Variants in INTS2 observed in about 807,000 individuals in gnomAD.
The protein encoded by INTS2 is integrator complex subunit 2.
A neutral mutation model predicts 139.6 loss-of-function variants in INTS2; 57 were observed. That is an observed-to-expected ratio of 0.41 (90% CI 0.33 to 0.51). The LOEUF (loss-of-function observed/expected upper bound fraction) is 0.51. Ranked by LOEUF, INTS2 falls within the 20% of genes least tolerant of loss-of-function variation. INTS2 has a pLI of 0.28. For missense variants in INTS2, 1,196 were observed against 1,436.7 expected (o/e 0.83, Z 2.71); for synonymous variants, 473 against 493.4 (o/e 0.96, Z 0.55).
chr17:61,872,197 T>C lies in INTS2; in HGVS notation c.2778+68A>G, dbSNP rs569160629. On this transcript the variant is annotated intron_variant, in intron 20 of 24. Transcript: ENST00000251334. The surrounding 1 kb of genome is among the most constrained non-coding windows in gnomAD (Gnocchi z 4.8). ...CATGGAGCGCACAATGTGCCATCTA[T>C]TGAACTGATTATACTAGTAGAGAAG... The C allele has an allele frequency of 2.7e-5, 27 of 1,006,064 alleles. No individual in the cohort carries two copies. The highest frequency in any genetic ancestry group is 3.9e-5 in the Non-Finnish European group (26 of 674,438). 62.3% of individuals were successfully genotyped at this position (1,006,064 alleles called of 1,614,324 possible). A position where few individuals can be genotyped will look rare whatever the true frequency, so the allele number is the denominator to read the frequency against.
Position 61,868,386 on chromosome 17 carries a change from TA to T in INTS2, c.3245-378del, listed in dbSNP as rs1296346559. On this transcript the variant is annotated intron_variant, in intron 23 of 24. Transcript: ENST00000251334. This position sits in a 1 kb window ranked among gnomAD's most constrained non-coding sequence, Gnocchi z 4.7. ...GGGCTGAGATTGAATTCAGGCAGTG[TA>T]AACTCTTAATCACTACAAATAATTA... Among the ~76,000 whole-genome samples the T allele has an allele frequency of 6.6e-6, 1 of 152,140 alleles. No individual in the cohort carries two copies. Among genetic ancestry groups the T allele is most frequent in the African/African-American group, 2.4e-5 (1 of 41,454 alleles).
At chr17:61,911,451 T>C (rs1022174365) in intron 7 of INTS2, 69 bp downstream of exon 7, 1 of 1,351,602 alleles carries the variant, frequency 7.4e-7, no homozygotes, top group Non-Finnish European at 1.0e-6. Flanking sequence ...ATTCAAAAAA[T>C]GTTTCTTTCT....
rs1004786967 is a variant in INTS2 at position 61,926,420 on chromosome 17, G to A, written c.225C>T (p.Ser75=). The A allele has an allele frequency of 1.2e-6, 2 of 1,613,862 alleles. No homozygotes were observed. The highest frequency in any genetic ancestry group is 1.7e-6 in the Non-Finnish European group (2 of 1,179,770). The change falls in exon 2 of 25, where the codon TCC becomes TCT. Residue 75 remains serine (S), a synonymous_variant. Coordinates refer to ENST00000251334, the MANE Select transcript of INTS2 (RefSeq NM_001351695.2). ...AGTCCACGGACAACAATGCAACAAT[G>A]GAGTTGACAGCTTCCACTCCAGAAA... ...RLLSGVEAVN[S]IVALLSVDFH...
chr17:61,926,621 C>T lies in INTS2; in HGVS notation c.24G>A (p.Gln8=). ...CCTCAAAAGCAAAAGGGCTGACAAA[C>T]TGAAGACTTGTACATTCAGTCATTA... MTECTSL[Q]FVSPFAFEAM... is the part of the protein sequence containing the mutation. The change falls in exon 2 of 25, where the codon CAG becomes CAA. Residue 8 remains glutamine, a synonymous_variant. Transcript: ENST00000251334. 1 of 1,611,196 alleles carries T rather than the reference C, an allele frequency of 6.2e-7. No individual in the cohort carries two copies. The highest frequency in any genetic ancestry group is 8.5e-7 in the Non-Finnish European group (1 of 1,178,556).
At chr17:61,894,095 T>C in intron 12 of INTS2, 196 bp from the exon 13 acceptor site, 1 of 374,282 alleles carries the variant, frequency 2.7e-6, no homozygotes, top group Non-Finnish European at 4.7e-6. Flanking sequence ...TATAATTCCC[T>C]AATTTTTTGT....
Position 61,893,917 on chromosome 17 carries a change from C to T in INTS2, c.1564-18G>A, listed in dbSNP as rs1443016517. 3 of 1,516,492 alleles carry T rather than the reference C, an allele frequency of 2.0e-6. No homozygotes were observed. The African/African-American group carries it at 4.2e-5, about 21-fold the overall frequency. 93.9% of individuals were successfully genotyped at this position (1,516,492 alleles called of 1,614,324 possible). On this transcript the variant is annotated intron_variant, in intron 12 of 24. Coordinates refer to ENST00000251334, the MANE Select transcript of INTS2 (RefSeq NM_001351695.2). The surrounding 1 kb of genome is among the most constrained non-coding windows in gnomAD (Gnocchi z 5.4). ...GTGACAACCTAAAAGGGAAAAATAG[C>T]ATTAGTAATATAATAGAACTAAATA... is the stretch of plus-strand genomic sequence containing the variant.
At chr17:61,902,383 T>C (rs1018907929) in intron 9 of INTS2, among the ~76,000 whole-genome samples, 1 of 152,192 alleles carries the variant, frequency 6.6e-6, no homozygotes, top group Non-Finnish European at 1.5e-5. Flanking sequence ...ATGATTGTCG[T>C]ATTTTCTTAT....
chr17:61,927,959 TC>T lies in INTS2; in HGVS notation c.-325del, dbSNP rs2079736449. On this transcript the variant is annotated 5_prime_UTR_variant, in exon 1 of 25. Transcript: ENST00000251334. ...CCTTCATTCATCCCCAGCGTCTGAC[TC>T]CCGTCGGCCACCGTACTGGTCTGAG... 1.2e-6 allele frequency: 2 copies of T among 1,613,716 alleles called. No homozygotes were observed. The highest frequency in any genetic ancestry group is 1.7e-5 in the Admixed American group (1 of 59,980).
rs1353582071 is a variant in INTS2 at position 61,867,895 on chromosome 17, A to G, written c.3359T>C (p.Ile1120Thr). ...YEDIMSLLIQ[I>T]GQVCASDVAT... Reference sequence around the variant, plus strand: ...AACATCAGAGGCACAAACTTGCCCTATTTGGATCAGCAAAGACATAATATC... The same window carrying G: ...AACATCAGAGGCACAAACTTGCCCTGTTTGGATCAGCAAAGACATAATATC... Residue 1120 changes from isoleucine to threonine, a missense_variant, in exon 24 of 25, where the codon ATA becomes ACA. By Grantham distance (89) the Ile-to-Thr change is moderately conservative. This residue lies in a region of INTS2 where 1,129 missense variants were observed against 1,341.9 expected (regional missense o/e 0.84). Transcript: ENST00000251334. The surrounding 1 kb of genome is among the most constrained non-coding windows in gnomAD (Gnocchi z 5.6). 2.5e-6 allele frequency: 4 copies of G among 1,612,096 alleles called. No homozygotes were observed. Among genetic ancestry groups the G allele is most frequent in the Non-Finnish European group, 3.4e-6 (4 of 1,179,316 alleles).
At chr17:61,919,318 T>C in intron 5 of INTS2, 82 bp downstream of exon 5, 1 of 675,952 alleles carries the variant, frequency 1.5e-6, no homozygotes, top group South Asian at 1.7e-5. Flanking sequence ...ATCCCATTAA[T>C]GTTTCTTCTT....
At position 61,893,800 on chromosome 17, in the gene INTS2, T is replaced by C; in HGVS notation, c.1663A>G (p.Ser555Gly). 1.3e-6 allele frequency: 2 copies of C among 1,588,904 alleles called. No individual in the cohort carries two copies. The highest frequency in any genetic ancestry group is 1.7e-6 in the Non-Finnish European group (2 of 1,166,490). ...ACTTTGTGCTTGGTAAAGGAACGGC[T>C]CCTGAGAAGCTGGTAAATACAATGA... ...PIHCIYQLLR[S>G]RSFTKHKVSI... The change falls in exon 13 of 25, where the codon AGC becomes GGC. Residue 555 changes from serine to glycine, a missense_variant. Physicochemically the swap from Ser to Gly is moderately conservative, Grantham distance 56 (BLOSUM62 0). Around this residue, in one of 3 missense-constraint regions of INTS2, gnomAD observed 1,129 missense variants for 1,341.9 expected, o/e 0.84. Coordinates refer to ENST00000251334, the MANE Select transcript of INTS2 (RefSeq NM_001351695.2). This position sits in a 1 kb window ranked among gnomAD's most constrained non-coding sequence, Gnocchi z 5.4.
intron 3 of INTS2, among the ~76,000 whole-genome samples, chr17:61,922,473 A>G (rs1270160034): frequency 7.0e-6 from 1 of 143,852 alleles, no homozygotes; most frequent in Non-Finnish European, 1.5e-5. Flanking sequence ...GTCTCAAAAA[A>G]AAAAAAAAAA....
At chr17:61,892,098 G>T (rs1241607701) in intron 13 of INTS2, among the ~76,000 whole-genome samples, 1 of 152,074 alleles carries the variant, frequency 6.6e-6, no homozygotes, top group Non-Finnish European at 1.5e-5. Context: ...TCTCTGAAAA[G>T]CACTTACAGG....
At chr17:61,895,444 G>C in intron 11 of INTS2, 61 bp from the exon 12 acceptor site, 2 of 1,001,730 alleles carry the variant, frequency 2.0e-6, no homozygotes. Flanking sequence ...ATTTATTCTA[G>C]GGAACTTATC....
chr17:61,889,785 C>T lies in INTS2; in HGVS notation c.1984+1G>A, dbSNP rs1451639625. 6.7e-7 allele frequency: 1 copy of T among 1,503,058 alleles called. No individual in the cohort carries two copies. Among genetic ancestry groups the T allele is most frequent in the Non-Finnish European group, 9.2e-7 (1 of 1,082,174 alleles). 93.1% of individuals were successfully genotyped at this position (1,503,058 alleles called of 1,614,324 possible). A position where few individuals can be genotyped will look rare whatever the true frequency, so the allele number is the denominator to read the frequency against. On this transcript the variant is annotated splice_donor_variant, in intron 15 of 24. Transcript: ENST00000251334. LOFTEE classifies it high-confidence loss of function. ...GAACCACTCCTCTACGTACAACTTA[C>T]CTAAAGTCTTCGTGTTTGCTAGAAG...
intron 15 of INTS2, among the ~76,000 whole-genome samples, chr17:61,887,240 T>C (rs933041083): frequency 2.6e-5 from 4 of 152,120 alleles, no homozygotes; most frequent in Admixed American, 1.3e-4. Context: ...CCCAGCACTT[T>C]GGGAGGCCAA....
Position 61,904,536 on chromosome 17 carries a change from G to C in INTS2, c.1231C>G (p.Pro411Ala). Residue 411 changes from proline to alanine, a missense_variant, in exon 9 of 25, where the codon CCT (proline) becomes GCT (alanine). This residue lies in a region of INTS2 where 1,129 missense variants were observed against 1,341.9 expected (regional missense o/e 0.84). Coordinates refer to ENST00000251334, the MANE Select transcript of INTS2 (RefSeq NM_001351695.2). Reference protein sequence around the residue: ...EQLLQLMTSRPPATPAGVRFV... With the variant: ...EQLLQLMTSRAPATPAGVRFV... Reference sequence around the variant, plus strand: ...CGAACCCCAGCTGGCGTAGCAGGAGGACGGCTCGTCATCAACTGCAGTAAT... The same window carrying C: ...CGAACCCCAGCTGGCGTAGCAGGAGCACGGCTCGTCATCAACTGCAGTAAT... 1.2e-6 allele frequency: 2 copies of C among 1,612,550 alleles called. No individual in the cohort carries two copies. The highest frequency in any genetic ancestry group is 2.7e-5 in the African/African-American group (2 of 75,036).
chr17:61,917,329 C>A (rs144667397), intron 5 of INTS2, among the ~76,000 whole-genome samples: 1 of 152,116 alleles, frequency 6.6e-6, no homozygotes, highest in Non-Finnish European at 1.5e-5. Flanking sequence ...AAGACACATG[C>A]GCTTGTATGT....
Position 61,865,737 on chromosome 17 carries a change from T to C in INTS2, c.*1820A>G, listed in dbSNP as rs1264174119. The C allele has an allele frequency of 6.6e-6, 1 of 152,270 alleles. No individual in the cohort carries two copies. The highest frequency in any genetic ancestry group is 1.5e-5 in the Non-Finnish European group (1 of 68,034). 9.4% of individuals were successfully genotyped at this position (152,270 alleles called of 1,614,324 possible). A position where few individuals can be genotyped will look rare whatever the true frequency, so the allele number is the denominator to read the frequency against. On this transcript the variant is annotated 3_prime_UTR_variant, in exon 25 of 25. Transcript: ENST00000251334. The surrounding 1 kb of genome is among the most constrained non-coding windows in gnomAD (Gnocchi z 4.8). ...AAAAAAGGAGCAGTTGTATTTAATC[T>C]TAAGGGACTACAAAACTGCCTTGTT... is the stretch of plus-strand genomic sequence containing the variant.
Sources: allele counts gnomAD v4.1 joint callset (sites outside exome capture counted in the v4.1 genomes callset), GRCh38; gene constraint gnomAD v4.1.1; regional missense constraint gnomAD v4.1.1; non-coding constraint Gnocchi (gnomAD v3.1); transcripts MANE v1.5; gene names NCBI Gene and HGNC (gene_info 2026-07-23, HGNC 2026-07-21).